The following SERPINB12 variants were observed in gnomAD, a reference collection of about 807,000 sequenced individuals.
The protein encoded by SERPINB12 is serpin family B member 12.
SERPINB12 carries 57 observed loss-of-function variants against 41.1 expected under a neutral mutation model. The observed-to-expected ratio is 1.39, with a 90% CI of 1.12 to 1.73. The LOEUF (loss-of-function observed/expected upper bound fraction) is 1.73. SERPINB12 is among the 40% of genes most tolerant of loss of function. The pLI is 0.00. For missense variants in SERPINB12, 536 were observed against 501.9 expected (o/e 1.07, Z -0.65); for synonymous variants, 180 against 181.3 (o/e 0.99, Z 0.06).
rs1911004605 is a variant in SERPINB12 at position 63,563,967 on chromosome 18, T to C, written c.563-11T>C. The stretch of plus-strand genomic sequence containing the variant: ...TTCATACTCAGGATATTCTCTGGGA[T>C]CTTTTTTTAGGTAAAATCAAGGAAC... On this transcript the variant is annotated splice_polypyrimidine_tract_variant and intron_variant, in intron 5 of 7. Coordinates refer to ENST00000382768, the MANE Select transcript of SERPINB12 (RefSeq NM_001307928.2). The C allele has an allele frequency of 6.2e-7, 1 of 1,600,096 alleles. No individual in the cohort carries two copies. The highest frequency in any genetic ancestry group is 8.5e-7 in the Non-Finnish European group (1 of 1,175,296).
At chr18:63,557,213 C>G (rs955873892) in intron 2 of SERPINB12, among the ~76,000 whole-genome samples, 1 of 152,100 alleles carries the variant, frequency 6.6e-6, no homozygotes, top group African/African-American at 2.4e-5. Context: ...CTCTCGGTCC[C>G]TTTGCCTGAT....
intron 5 of SERPINB12, among the ~76,000 whole-genome samples, chr18:63,561,976 C>A (rs1364912645): frequency 1.3e-5 from 2 of 152,030 alleles, no homozygotes; most frequent in Non-Finnish European, 2.9e-5. Context: ...ATGTAACAAA[C>A]CTGCACATGT....
the SERPINB12 span, among the ~76,000 whole-genome samples, chr18:63,535,301 A>G: frequency 4.8e-3 from 737 of 152,290 alleles, 3 homozygotes; most frequent in African/African-American, 0.017. Flanking sequence ...AGAAATCTAC[A>G]AGACATCACC....
At chr18:63,551,069 A>G (rs1286196571) in intron 1 of SERPINB12, among the ~76,000 whole-genome samples, 1 of 151,958 alleles carries the variant, frequency 6.6e-6, no homozygotes, top group African/African-American at 2.4e-5. Context: ...GGAGATCGAG[A>G]CTATCCTGCC....
chr18:63,554,681 G>A (rs1470227229), intron 1 of SERPINB12, among the ~76,000 whole-genome samples: 7 of 152,180 alleles, frequency 4.6e-5, no homozygotes, highest in Non-Finnish European at 1.0e-4. Flanking sequence ...GGGAAGGCAA[G>A]ATACCTGTTC....
intron 1 of SERPINB12, among the ~76,000 whole-genome samples, chr18:63,548,349 T>A (rs893368290): frequency 1.3e-5 from 2 of 152,108 alleles, no homozygotes; most frequent in African/African-American, 4.8e-5. Context: ...ACAATGTAAG[T>A]TAAAATCTTA....
chr18:63,559,438 C>A, intron 3 of SERPINB12, 140 bp from the exon 4 acceptor site: 1 of 785,390 alleles, frequency 1.3e-6, no homozygotes, highest in Non-Finnish European at 2.0e-6. Context: ...CAGCTCACTT[C>A]CCCCAGCATG....
intron 2 of SERPINB12, 124 bp from the exon 3 acceptor site, chr18:63,558,228 T>A (rs1184292965): frequency 1.8e-6 from 2 of 1,139,172 alleles, no homozygotes; most frequent in Admixed American, 5.1e-5. Flanking sequence ...TCCTTTAAAC[T>A]GTTGTTGATT....
At chr18:63,519,969 C>G in the SERPINB12 span, among the ~76,000 whole-genome samples, 5 of 152,112 alleles carry the variant, frequency 3.3e-5, no homozygotes, top group South Asian at 1.0e-3. Flanking sequence ...GATGCCCTGT[C>G]TTGGTGCCTG....
At chr18:63,552,747 A>G (rs1356240503) in intron 1 of SERPINB12, among the ~76,000 whole-genome samples, 2 of 152,198 alleles carry the variant, frequency 1.3e-5, no homozygotes, top group Non-Finnish European at 2.9e-5. Flanking sequence ...GAACTTCATA[A>G]TTAGGTTGGT....
intron 5 of SERPINB12, among the ~76,000 whole-genome samples, chr18:63,563,668 G>A (rs890345182): frequency 2.0e-5 from 3 of 152,048 alleles, no homozygotes; most frequent in African/African-American, 4.8e-5. Flanking sequence ...AGGCCGAGGC[G>A]GGCAGATCAC....
At chr18:63,538,879 C>T (rs915492991), upstream of SERPINB12, among the ~76,000 whole-genome samples, 1 of 152,118 alleles carries the variant, frequency 6.6e-6, no homozygotes, top group Non-Finnish European at 1.5e-5. Flanking sequence ...TAAATTATAA[C>T]CATCCCAGTG....
chr18:63,535,317 A>AAATGATCAAAAGTAG, the SERPINB12 span, among the ~76,000 whole-genome samples: 2 of 152,184 alleles, frequency 1.3e-5, no homozygotes, highest in East Asian at 3.9e-4. Context: ...TCACCCAACC[A>AAATGATCAAAAGTAG]AATGATCAAA....
At chr18:63,547,007 A>G (rs1910402397) in intron 1 of SERPINB12, among the ~76,000 whole-genome samples, 1 of 152,214 alleles carries the variant, frequency 6.6e-6, no homozygotes, top group Non-Finnish European at 1.5e-5. Context: ...TTGGAAAACC[A>G]TTTTAAAGGA....
the SERPINB12 span, among the ~76,000 whole-genome samples, chr18:63,537,197 T>C: frequency 6.6e-6 from 1 of 152,166 alleles, no homozygotes; most frequent in Non-Finnish European, 1.5e-5. Context: ...CAATGGTTTG[T>C]TTGGAGACAG....
At chr18:63,522,315 T>C in the SERPINB12 span, among the ~76,000 whole-genome samples, 1 of 152,190 alleles carries the variant, frequency 6.6e-6, no homozygotes, top group Non-Finnish European at 1.5e-5. Context: ...TATCCTTTTA[T>C]AAAAAGAGGA....
At chr18:63,522,610 G>A in the SERPINB12 span, among the ~76,000 whole-genome samples, 1 of 152,086 alleles carries the variant, frequency 6.6e-6, no homozygotes, top group South Asian at 2.1e-4. Flanking sequence ...GCTTGATCTT[G>A]ATTAGCAGTT....
chr18:63,560,128 A>AC (rs959267422), intron 4 of SERPINB12, among the ~76,000 whole-genome samples: 21 of 151,966 alleles, frequency 1.4e-4, no homozygotes, highest in Middle Eastern at 3.2e-3. Context: ...GGATCAGGCT[A>AC]CCCCCGCAAT....
In SERPINB12 at chr18:63,564,091, A is replaced by G; in HGVS notation, c.676A>G (p.Thr226Ala). ...KWETYFDHEN[T>A]VDAPFCLNAN... is the part of the protein sequence containing the mutation. Reference sequence around the variant, plus strand: ...GGAAACATACTTTGACCATGAAAACACGGTGGATGCACCTTTCTGTCTAAA... The same window carrying G: ...GGAAACATACTTTGACCATGAAAACGCGGTGGATGCACCTTTCTGTCTAAA... The change falls in exon 6 of 8, where the codon ACG (threonine) becomes GCG (alanine). Residue 226 changes from threonine (T) to alanine (A), a missense_variant. Physicochemically the swap from Thr to Ala is moderately conservative, Grantham distance 58. Coordinates refer to ENST00000382768, the MANE Select transcript of SERPINB12 (RefSeq NM_001307928.2). 1.2e-6 allele frequency: 2 copies of G among 1,614,012 alleles called. No homozygotes were observed. The highest frequency in any genetic ancestry group is 2.7e-5 in the African/African-American group (2 of 75,040).
Sources: allele counts gnomAD v4.1 joint callset (sites outside exome capture counted in the v4.1 genomes callset), GRCh38; gene constraint gnomAD v4.1.1; transcripts MANE v1.5; gene names NCBI Gene and HGNC (gene_info 2026-07-23, HGNC 2026-07-21).